KCNIP4: variants seen among roughly 807,000 people sequenced by gnomAD.
KCNIP4 encodes Kv channel-interacting protein 4.
A neutral mutation model predicts 34.0 loss-of-function variants in KCNIP4; 12 were observed. The observed-to-expected ratio is 0.35, with a 90% CI of 0.23 to 0.57. The LOEUF (loss-of-function observed/expected upper bound fraction) is 0.57, where lower values mean the gene tolerates loss of function less well. KCNIP4 is among the 20% of genes least tolerant of loss of function. The pLI, the probability that KCNIP4 is intolerant of heterozygous loss-of-function variation, is 0.83. For missense variants in KCNIP4, 238 were observed against 311.7 expected, an observed-to-expected ratio of 0.76 and a Z score of 1.78; for synonymous variants, 124 against 102.2, an observed-to-expected ratio of 1.21 and a Z score of -1.29.
chr4:21,176,791 G>A (rs1032095171), intron 1 of KCNIP4, among the ~76,000 whole-genome samples: 3 of 152,216 alleles, frequency 2.0e-5, no homozygotes, highest in African/African-American at 7.2e-5. Flanking sequence ...AAAGTGCTGG[G>A]ATTACAGGCA....
At chr4:21,538,042 C>T (rs146262384) in intron 1 of KCNIP4, among the ~76,000 whole-genome samples, 6,795 of 101,440 alleles carry the variant, frequency 0.067, 422 homozygotes, top group East Asian at 0.2. Flanking sequence ...AAAAAAAAGA[C>T]AAGGGAAATT....
At position 21,826,568 on chromosome 4, in the gene KCNIP4, A is replaced by C. The variant is rs549283577; in HGVS notation, c.61+122003T>G. On this transcript the variant is annotated intron_variant, in intron 1 of 8. Coordinates refer to ENST00000382152, the MANE Select transcript of KCNIP4 (RefSeq NM_025221.6). Reference sequence around the variant, plus strand: ...ATAAAAGCTATAAGACTTAATCAAAAATTTTTAAACGGTCACTGAAATAGG... The same window carrying C: ...ATAAAAGCTATAAGACTTAATCAAACATTTTTAAACGGTCACTGAAATAGG... Among the ~76,000 whole-genome samples the C allele has an allele frequency of 1.9e-3, 284 of 152,256 alleles. 1 individual carries two copies. Among genetic ancestry groups the C allele is most frequent in the Middle Eastern group, 3.4e-3 (1 of 294 alleles).
intron 3 of KCNIP4, among the ~76,000 whole-genome samples, chr4:20,772,808 A>AT (rs1390698369): frequency 6.6e-6 from 1 of 151,756 alleles, no homozygotes; most frequent in Non-Finnish European, 1.5e-5. Context: ...CGCCCGGCTA[A>AT]TTTTTTGTAT....
chr4:21,254,037 G>T (rs777682293), intron 1 of KCNIP4, among the ~76,000 whole-genome samples: 2 of 152,216 alleles, frequency 1.3e-5, no homozygotes, highest in Non-Finnish European at 2.9e-5. Context: ...ATTGCCAGGG[G>T]TAAGGGAGAG....
chr4:21,247,986 C>T lies in KCNIP4; in HGVS notation c.62-365277G>A, dbSNP rs1356921544. 4.0e-4 allele frequency among the ~76,000 whole-genome samples: 41 copies of T among 103,158 alleles called. 1 individual carries two copies. Among genetic ancestry groups the T allele is most frequent in the African/African-American group, 2.1e-3 (36 of 17,110 alleles). 67.7% of individuals were successfully genotyped at this position (103,158 alleles called of 152,430 possible). A position where few individuals can be genotyped will look rare whatever the true frequency, so the allele number is the denominator to read the frequency against. ...ATATACACACACATATATATATACA[C>T]ACACACACACACACACACCCCCCAC... is the stretch of plus-strand genomic sequence containing the variant. On this transcript the variant is annotated intron_variant, in intron 1 of 8. Coordinates refer to ENST00000382152, the MANE Select transcript of KCNIP4 (RefSeq NM_025221.6).
At chr4:21,708,261 G>T (rs1278843454) in intron 1 of KCNIP4, among the ~76,000 whole-genome samples, 1 of 151,878 alleles carries the variant, frequency 6.6e-6, no homozygotes, top group Non-Finnish European at 1.5e-5. Context: ...GAGATCACTG[G>T]AGCTCATCCA....
intron 1 of KCNIP4, among the ~76,000 whole-genome samples, chr4:21,446,225 A>C (rs1727975718): frequency 6.6e-6 from 1 of 152,130 alleles, no homozygotes; most frequent in Non-Finnish European, 1.5e-5. Context: ...GCGATTCCTC[A>C]GGGATCTAGA....
At chr4:21,536,511 G>C (rs971840672) in intron 1 of KCNIP4, among the ~76,000 whole-genome samples, 8 of 152,100 alleles carry the variant, frequency 5.3e-5, no homozygotes, top group African/African-American at 1.7e-4. Flanking sequence ...GGGCACGGTG[G>C]CTCAAGCCTG....
intron 1 of KCNIP4, among the ~76,000 whole-genome samples, chr4:21,030,154 C>A (rs1270529378): frequency 6.6e-6 from 1 of 152,150 alleles, no homozygotes. Flanking sequence ...GTATTTACAG[C>A]AGCTCCCCAT....
chr4:21,186,201 G>A (rs895752787), intron 1 of KCNIP4, among the ~76,000 whole-genome samples: 1 of 151,952 alleles, frequency 6.6e-6, no homozygotes, highest in Admixed American at 6.6e-5. Flanking sequence ...AGAACTTTCT[G>A]CTCAGAACTT....
intron 2 of KCNIP4, 29 bp downstream of exon 2, chr4:20,882,579 G>T: frequency 8.3e-7 from 1 of 1,201,234 alleles, no homozygotes; most frequent in South Asian, 1.4e-5. Flanking sequence ...AGTTTCGGAG[G>T]AAAAAAAAAA....
intron 1 of KCNIP4, among the ~76,000 whole-genome samples, chr4:21,478,246 A>ATATT (rs3083797): frequency 1.9e-4 from 28 of 150,964 alleles, no homozygotes; most frequent in African/African-American, 3.2e-4. Flanking sequence ...ATTTATTTAC[A>ATATT]TATTTATTTA....
intron 1 of KCNIP4, among the ~76,000 whole-genome samples, chr4:21,906,529 T>C (rs1728011850): frequency 6.6e-6 from 1 of 152,168 alleles, no homozygotes; most frequent in African/African-American, 2.4e-5. Flanking sequence ...GAGCCCATGC[T>C]GGCACCTTGA....
intron 1 of KCNIP4, among the ~76,000 whole-genome samples, chr4:21,892,920 C>T (rs930837218): frequency 2.0e-5 from 3 of 152,158 alleles, no homozygotes; most frequent in African/African-American, 7.2e-5. Flanking sequence ...GTTCCACAGG[C>T]GATATAGCCA....
At chr4:20,780,671 C>T (rs1051233796) in intron 3 of KCNIP4, among the ~76,000 whole-genome samples, 4 of 152,140 alleles carry the variant, frequency 2.6e-5, no homozygotes, top group Non-Finnish European at 5.9e-5. Flanking sequence ...CTCCATCCCC[C>T]AGGCCAAAAT....
rs141531303 is a variant in KCNIP4, at chr4:21,547,991, T to A, written c.61+400580A>T. 3.5e-3 allele frequency among the ~76,000 whole-genome samples: 537 copies of A among 152,260 alleles called. 5 individuals are homozygous for A. Among genetic ancestry groups the A allele is most frequent in the African/African-American group, 0.012 (502 of 41,558 alleles). ...GTGGACAATCTGTGGTTGTTTGGCA[T>A]CATTATCATTCCTGACTCTGAATTT... On this transcript the variant is annotated intron_variant, in intron 1 of 8. Coordinates refer to ENST00000382152, the MANE Select transcript of KCNIP4 (RefSeq NM_025221.6).
rs374473281 is a variant in KCNIP4 at position 20,944,986 on chromosome 4, T to A, written c.62-62277A>T. ...AATAAGAATGTACCTGGGAAGAGAA[T>A]CTTAGCCTCAGAACTGCAGTTCAGA... On this transcript the variant is annotated intron_variant, in intron 1 of 8. Coordinates refer to ENST00000382152, the MANE Select transcript of KCNIP4 (RefSeq NM_025221.6). Among the ~76,000 whole-genome samples the A allele has an allele frequency of 1.1e-4, 17 of 152,276 alleles. No homozygotes were observed. The East Asian group carries it at 2.9e-3, about 26-fold the overall frequency.
At chr4:21,115,182 T>C (rs1316570871) in intron 1 of KCNIP4, among the ~76,000 whole-genome samples, 1 of 152,118 alleles carries the variant, frequency 6.6e-6, no homozygotes, top group Non-Finnish European at 1.5e-5. Context: ...TGTTACCCCA[T>C]GTGCATATTA....
At chr4:21,590,278 T>G (rs1357828117) in intron 1 of KCNIP4, among the ~76,000 whole-genome samples, 1 of 151,948 alleles carries the variant, frequency 6.6e-6, no homozygotes. Context: ...AAGAAAAGAA[T>G]AGCTATCAAG....
Sources: gnomAD v4.1 joint callset for allele counts (sites outside exome capture counted in the v4.1 genomes callset) on GRCh38, gnomAD v4.1.1 for gene constraint, MANE v1.5 for transcripts, NCBI Gene and HGNC (gene_info 2026-07-23, HGNC 2026-07-21) for gene names.